Variants in EIF5AL1 observed in about 807,000 individuals in gnomAD.
The protein encoded by EIF5AL1 is eukaryotic translation initiation factor 5A-1-like.
EIF5AL1 carries 4 observed loss-of-function variants against 9.0 expected under a neutral mutation model. That is an observed-to-expected ratio of 0.45 (90% confidence interval 0.22 to 1.02). The LOEUF (loss-of-function observed/expected upper bound fraction) is 1.02, where lower values mean the gene tolerates loss of function less well. Ranked by LOEUF, EIF5AL1 falls within the 50% of genes least tolerant of loss-of-function variation. The pLI, the probability that EIF5AL1 is intolerant of heterozygous loss-of-function variation, is 0.24. For synonymous variants in EIF5AL1, 40 were observed against 75.7 expected (o/e 0.53, Z 2.45); for missense variants, 58 against 194.1 (o/e 0.30, Z 4.17).
At position 79,515,804 on chromosome 10, in the gene EIF5AL1, C is replaced by T. The variant is rs945529081; in HGVS notation, c.*2690C>T. On this transcript the variant is annotated 3_prime_UTR_variant, in exon 1 of 1. Transcript: ENST00000520547. Reference sequence around the variant, plus strand: ...CAATGCAAATCCTGTTGCAGATGTACGTCATATACCTCTGAAATTCCTGAT... The same window carrying T: ...CAATGCAAATCCTGTTGCAGATGTATGTCATATACCTCTGAAATTCCTGAT... 7.2e-5 allele frequency: 12 copies of T among 166,916 alleles called. No individual in the cohort carries two copies. The highest frequency in any genetic ancestry group is 3.8e-4 in the East Asian group (2 of 5,196). The allele number at this position is 166,916 out of a possible 1,614,324, so 10.3% of individuals were successfully genotyped here.
chr10:79,514,569 A>T lies in EIF5AL1; in HGVS notation c.*1455A>T, dbSNP rs1029598274. 1.8e-5 allele frequency: 3 copies of T among 167,064 alleles called. No homozygotes were observed. Among genetic ancestry groups the T allele is most frequent in the African/African-American group, 7.2e-5 (3 of 41,434 alleles). The allele number at this position is 167,064 out of a possible 1,614,324, so 10.3% of individuals were successfully genotyped here. A position where few individuals can be genotyped will look rare whatever the true frequency, so the allele number is the denominator to read the frequency against. ...GCCCATTCCCCAGAAATAGACTCCC[A>T]TCTTTTCTACAGCAAGATAACGTGC... On this transcript the variant is annotated 3_prime_UTR_variant, in exon 1 of 1. Transcript: ENST00000520547.
In EIF5AL1 at chr10:79,513,057, G is replaced by A. The variant is rs761824887; in HGVS notation, c.408G>A (p.Thr136=). ...KYDCGEEILI[T]VLSAMTEEAA... ...ACTGTGGAGAAGAGATCCTGATCAC[G>A]GTGCTGTCTGCCATGACAGAGGAGG... The change falls in exon 1 of 1, where the codon ACG becomes ACA. Residue 136 remains threonine (T), a synonymous_variant. Coordinates refer to ENST00000520547, the MANE Select transcript of EIF5AL1 (RefSeq NM_001099692.2). 9.3e-6 allele frequency: 15 copies of A among 1,612,390 alleles called. No individual in the cohort carries two copies. The highest frequency in any genetic ancestry group is 1.3e-5 in the African/African-American group (1 of 74,736).
At position 79,514,455 on chromosome 10, in the gene EIF5AL1, G is replaced by A. The variant is rs1858200210; in HGVS notation, c.*1341G>A. On this transcript the variant is annotated 3_prime_UTR_variant, in exon 1 of 1. Transcript: ENST00000520547. ...ACACGCCAGGAATAGAGGTGGACAG[G>A]AAACACCCTGACTTTTGTAGGGACT... The A allele has an allele frequency of 6.0e-6, 1 of 166,948 alleles. No individual in the cohort carries two copies. Among genetic ancestry groups the A allele is most frequent in the Non-Finnish European group, 1.5e-5 (1 of 68,104 alleles). The allele number at this position is 166,948 out of a possible 1,614,324, so 10.3% of individuals were successfully genotyped here.
At position 79,516,220 on chromosome 10, in the gene EIF5AL1, G is replaced by A. The variant is rs141772176; in HGVS notation, c.*3106G>A. 23,039 of 166,950 alleles carry A rather than the reference G, an allele frequency of 0.14. 1,674 individuals are homozygous for A. The highest frequency in any genetic ancestry group is 0.2 in the South Asian group (956 of 4,824). The allele number at this position is 166,950 out of a possible 1,614,324, so 10.3% of individuals were successfully genotyped here. On this transcript the variant is annotated 3_prime_UTR_variant, in exon 1 of 1. Coordinates refer to ENST00000520547, the MANE Select transcript of EIF5AL1 (RefSeq NM_001099692.2). ...ACAGCTCAACTGAACTTTTCTTAATGGAATATTTAAAAAGTGGTACATTAA... is the reference window on the plus strand; with the variant it reads ...ACAGCTCAACTGAACTTTTCTTAATAGAATATTTAAAAAGTGGTACATTAA...
At position 79,516,385 on chromosome 10, in the gene EIF5AL1, T is replaced by A. The variant is rs1858233405; in HGVS notation, c.*3271T>A. On this transcript the variant is annotated 3_prime_UTR_variant, in exon 1 of 1. Coordinates refer to ENST00000520547, the MANE Select transcript of EIF5AL1 (RefSeq NM_001099692.2). ...TTGAAGGGCAGTGCCAAATGATGTGTAATTATCTAGGTTGTAAAAATAAAA... is the reference window on the plus strand; with the variant it reads ...TTGAAGGGCAGTGCCAAATGATGTGAAATTATCTAGGTTGTAAAAATAAAA... 6.0e-6 allele frequency: 1 copy of A among 167,134 alleles called. No individual in the cohort carries two copies. The highest frequency in any genetic ancestry group is 2.1e-4 in the South Asian group (1 of 4,832). The allele number at this position is 167,134 out of a possible 1,614,324, so 10.4% of individuals were successfully genotyped here.
In EIF5AL1 at chr10:79,513,764, AAAG is replaced by A. The variant is rs1858187276; in HGVS notation, c.*653_*655del. ...CAAGTTTAATATGAAAAAAAAAAAA[AAAG>A]AAAGAAAGACGTGTAAAATGCCAAG... On this transcript the variant is annotated 3_prime_UTR_variant, in exon 1 of 1. Coordinates refer to ENST00000520547, the MANE Select transcript of EIF5AL1 (RefSeq NM_001099692.2). The A allele has an allele frequency of 1.8e-5, 3 of 163,028 alleles. No individual in the cohort carries two copies. Among genetic ancestry groups the A allele is most frequent in the African/African-American group, 2.4e-5 (1 of 41,138 alleles). 10.1% of individuals were successfully genotyped at this position (163,028 alleles called of 1,614,324 possible).
rs1347265038 is a variant in EIF5AL1 at position 79,513,948 on chromosome 10, C to G, written c.*834C>G. On this transcript the variant is annotated 3_prime_UTR_variant, in exon 1 of 1. Transcript: ENST00000520547. ...GGATGCAATGGGAGCAGGGTCCTGT[C>G]CCCACCCTAAAGGAGTTCACAGTTT... 2 of 166,926 alleles carry G rather than the reference C, an allele frequency of 1.2e-5. No homozygotes were observed. The highest frequency in any genetic ancestry group is 4.2e-4 in the South Asian group (2 of 4,810). 10.3% of individuals were successfully genotyped at this position (166,926 alleles called of 1,614,324 possible). A position where few individuals can be genotyped will look rare whatever the true frequency, so the allele number is the denominator to read the frequency against.
rs540374389 is a variant in EIF5AL1, at chr10:79,513,704, G to A, written c.*590G>A. The A allele has an allele frequency of 6.2e-6, 1 of 161,646 alleles. No individual in the cohort carries two copies. Among genetic ancestry groups the A allele is most frequent in the Non-Finnish European group, 1.5e-5 (1 of 67,704 alleles). The allele number at this position is 161,646 out of a possible 1,614,324, so 10.0% of individuals were successfully genotyped here. On this transcript the variant is annotated 3_prime_UTR_variant, in exon 1 of 1. Transcript: ENST00000520547. Reference sequence around the variant, plus strand: ...ACCCTTCCCTGCGGGCTCTCTCCCCGACACATTTGTTAAAATCAAACCTGA... The same window carrying A: ...ACCCTTCCCTGCGGGCTCTCTCCCCAACACATTTGTTAAAATCAAACCTGA...
rs540077606 is a variant in EIF5AL1 at position 79,512,991 on chromosome 10, C to T, written c.342C>T (p.Leu114=). The T allele has an allele frequency of 3.0e-5, 49 of 1,612,616 alleles. 1 individual carries two copies. In the African/African-American group the frequency reaches 5.8e-4, roughly 19 times the overall value. Residue 114 remains leucine (L), a synonymous_variant, in exon 1 of 1, where the codon CTC becomes CTT. Coordinates refer to ENST00000520547, the MANE Select transcript of EIF5AL1 (RefSeq NM_001099692.2). ...DSGEVPEDLR[L]PEGDLGKEIE... is the part of the protein sequence containing the mutation. ...GGGAGGTACCAGAGGACCTTCGTCT[C>T]CCTGAGGGAGACCTTGGCAAGGAGA...
Position 79,516,440 on chromosome 10 carries a change from A to G in EIF5AL1, c.*3326A>G, listed in dbSNP as rs1038909326. On this transcript the variant is annotated 3_prime_UTR_variant, in exon 1 of 1. Coordinates refer to ENST00000520547, the MANE Select transcript of EIF5AL1 (RefSeq NM_001099692.2). The stretch of plus-strand genomic sequence containing the variant: ...CTCCCCCTTCCCTTGAGGATAAAAA[A>G]GCATTGTGGTATTAGCACTTTTTTC... The G allele has an allele frequency of 1.2e-5, 2 of 166,418 alleles. No individual in the cohort carries two copies. 10.3% of individuals were successfully genotyped at this position (166,418 alleles called of 1,614,324 possible). A position where few individuals can be genotyped will look rare whatever the true frequency, so the allele number is the denominator to read the frequency against.
chr10:79,512,919 G>A lies in EIF5AL1; in HGVS notation c.270G>A (p.Gln90=). The change falls in exon 1 of 1, where the codon CAG becomes CAA. Residue 90 remains glutamine (Q), a synonymous_variant. Transcript: ENST00000520547. The part of the protein sequence containing the change: ...DVPNIKRNDF[Q]LIGIQDGYLS... ...CCAACATCAAAAGGAATGACTTCCA[G>A]CTGATTGGCATCCAGGATGGGTACC... The A allele has an allele frequency of 6.2e-7, 1 of 1,613,956 alleles. No homozygotes were observed. Among genetic ancestry groups the A allele is most frequent in the Non-Finnish European group, 8.5e-7 (1 of 1,179,956 alleles).
In EIF5AL1 at chr10:79,513,320, A is replaced by G; in HGVS notation, c.*206A>G. 1 of 666,860 alleles carries G rather than the reference A, an allele frequency of 1.5e-6. No homozygotes were observed. Among genetic ancestry groups the G allele is most frequent in the Non-Finnish European group, 2.6e-6 (1 of 383,306 alleles). 41.3% of individuals were successfully genotyped at this position (666,860 alleles called of 1,614,324 possible). A position where few individuals can be genotyped will look rare whatever the true frequency, so the allele number is the denominator to read the frequency against. ...TAGCTCCCTTGGCCAGGAGCGAGCG[A>G]AGCCATGGCCTTGGTGAAGCTGCCC... On this transcript the variant is annotated 3_prime_UTR_variant, in exon 1 of 1. Transcript: ENST00000520547.
In EIF5AL1 at chr10:79,513,977, G is replaced by A. The variant is rs1420606870; in HGVS notation, c.*863G>A. The A allele has an allele frequency of 1.8e-5, 3 of 166,964 alleles. No individual in the cohort carries two copies. Among genetic ancestry groups the A allele is most frequent in the East Asian group, 1.9e-4 (1 of 5,192 alleles). 10.3% of individuals were successfully genotyped at this position (166,964 alleles called of 1,614,324 possible). On this transcript the variant is annotated 3_prime_UTR_variant, in exon 1 of 1. Transcript: ENST00000520547. ...ACCCTAAAGGAGTTCACAGTTTAAC[G>A]CAAATGAGAAGCCAGTGAGGACATC...
rs1858208354 is a variant in EIF5AL1, at chr10:79,514,814, G to T, written c.*1700G>T. 6.0e-6 allele frequency: 1 copy of T among 168,030 alleles called. No individual in the cohort carries two copies. The allele number at this position is 168,030 out of a possible 1,614,324, so 10.4% of individuals were successfully genotyped here. Reference sequence around the variant, plus strand: ...ACAATCAAGAATGTAGGAAGGGAAAGGAAACACGAAGATTAATCAAGCAGG... The same window carrying T: ...ACAATCAAGAATGTAGGAAGGGAAATGAAACACGAAGATTAATCAAGCAGG... On this transcript the variant is annotated 3_prime_UTR_variant, in exon 1 of 1. Coordinates refer to ENST00000520547, the MANE Select transcript of EIF5AL1 (RefSeq NM_001099692.2).
chr10:79,513,976 C>A lies in EIF5AL1; in HGVS notation c.*862C>A. On this transcript the variant is annotated 3_prime_UTR_variant, in exon 1 of 1. Transcript: ENST00000520547. Reference sequence around the variant, plus strand: ...CACCCTAAAGGAGTTCACAGTTTAACGCAAATGAGAAGCCAGTGAGGACAT... The same window carrying A: ...CACCCTAAAGGAGTTCACAGTTTAAAGCAAATGAGAAGCCAGTGAGGACAT... 6.8e-6 allele frequency: 1 copy of A among 147,514 alleles called. No homozygotes were observed. The highest frequency in any genetic ancestry group is 2.3e-4 in the South Asian group (1 of 4,302). 9.1% of individuals were successfully genotyped at this position (147,514 alleles called of 1,614,324 possible).
In EIF5AL1 at chr10:79,515,079, A is replaced by G. The variant is rs1858212553; in HGVS notation, c.*1965A>G. Reference sequence around the variant, plus strand: ...ACTTTAGCTTCTGTAGATCTCCATGATGTAAAGAAGTATTTTAGGTCCATT... The same window carrying G: ...ACTTTAGCTTCTGTAGATCTCCATGGTGTAAAGAAGTATTTTAGGTCCATT... On this transcript the variant is annotated 3_prime_UTR_variant, in exon 1 of 1. Coordinates refer to ENST00000520547, the MANE Select transcript of EIF5AL1 (RefSeq NM_001099692.2). The G allele has an allele frequency of 4.8e-6, 1 of 206,544 alleles. No homozygotes were observed. The highest frequency in any genetic ancestry group is 2.4e-5 in the African/African-American group (1 of 41,728). The allele number at this position is 206,544 out of a possible 1,614,324, so 12.8% of individuals were successfully genotyped here.
Position 79,513,340 on chromosome 10 carries a change from C to T in EIF5AL1, c.*226C>T, listed in dbSNP as rs1858181168. ...GAGCGAAGCCATGGCCTTGGTGAAG[C>T]TGCCCTCCTCTTCTCCCCTCACACT... On this transcript the variant is annotated 3_prime_UTR_variant, in exon 1 of 1. Coordinates refer to ENST00000520547, the MANE Select transcript of EIF5AL1 (RefSeq NM_001099692.2). 1 of 619,480 alleles carries T rather than the reference C, an allele frequency of 1.6e-6. No homozygotes were observed. Among genetic ancestry groups the T allele is most frequent in the Non-Finnish European group, 2.9e-6 (1 of 343,128 alleles). 38.4% of individuals were successfully genotyped at this position (619,480 alleles called of 1,614,324 possible).
rs1858164877 is a variant in EIF5AL1 at position 79,512,640 on chromosome 10, GC to G, written c.-8del. ...GCCGTTTGCGCCAGTTGGAATCGAA[GC>G]CTCTTAAAATGGCAGATGATTTGGA... On this transcript the variant is annotated 5_prime_UTR_variant, in exon 1 of 1. Transcript: ENST00000520547. The G allele has an allele frequency of 9.8e-7, 1 of 1,023,284 alleles. No individual in the cohort carries two copies. 63.4% of individuals were successfully genotyped at this position (1,023,284 alleles called of 1,614,324 possible).
Position 79,513,281 on chromosome 10 carries a change from C to T in EIF5AL1, c.*167C>T, listed in dbSNP as rs1467186292. Reference sequence around the variant, plus strand: ...CCACCCCCTCAATCTGTCAGGGAGCCCCTGCCCTTCACCTAGCTCCCTTGG... The same window carrying T: ...CCACCCCCTCAATCTGTCAGGGAGCTCCTGCCCTTCACCTAGCTCCCTTGG... On this transcript the variant is annotated 3_prime_UTR_variant, in exon 1 of 1. Transcript: ENST00000520547. The T allele has an allele frequency of 2.7e-6, 2 of 738,138 alleles. No homozygotes were observed. The highest frequency in any genetic ancestry group is 4.5e-6 in the Non-Finnish European group (2 of 441,250). 45.7% of individuals were successfully genotyped at this position (738,138 alleles called of 1,614,324 possible).
Sources: allele counts gnomAD v4.1 joint callset, GRCh38; gene constraint gnomAD v4.1.1; transcripts MANE v1.5; gene names NCBI Gene and HGNC (gene_info 2026-07-23, HGNC 2026-07-21).